The following RIMS2 variants were observed in gnomAD, a reference collection of about 807,000 sequenced individuals.
RIMS2 encodes the protein regulating synaptic membrane exocytosis 2, also known as regulating synaptic membrane exocytosis protein 2.
A neutral mutation model predicts 174.4 loss-of-function variants in RIMS2; 59 were observed. The observed-to-expected ratio is 0.34, with a 90% CI of 0.27 to 0.42. The LOEUF is 0.42. Ranked by LOEUF, RIMS2 falls within the 10% of genes least tolerant of loss-of-function variation. The pLI, the probability that RIMS2 is intolerant of heterozygous loss-of-function variation, is 1.00. For synonymous variants in RIMS2, 606 were observed against 572.5 expected (o/e 1.06, Z -0.84); for missense variants, 1,620 against 1,666.3 (o/e 0.97, Z 0.48).
intron 2 of RIMS2, among the ~76,000 whole-genome samples, chr8:103,747,075 C>CTT (rs35423526): frequency 8.7e-5 from 13 of 148,624 alleles, no homozygotes; most frequent in Admixed American, 1.3e-4. Flanking sequence ...GATCTTCTTT[C>CTT]TTTTTTTTTT....
chr8:103,677,674 G>C (rs2096832401), intron 1 of RIMS2, among the ~76,000 whole-genome samples: 1 of 152,012 alleles, frequency 6.6e-6, no homozygotes, highest in Non-Finnish European at 1.5e-5. Flanking sequence ...GATACCATGT[G>C]GTAAAATTAA....
chr8:103,855,199 T>C (rs181993072), intron 3 of RIMS2, among the ~76,000 whole-genome samples: 217 of 152,162 alleles, frequency 1.4e-3, no homozygotes, highest in African/African-American at 4.0e-3. Flanking sequence ...GAGATCAGTT[T>C]TAATGTCATC....
At chr8:103,896,987 T>A (rs2099284414) in intron 4 of RIMS2, among the ~76,000 whole-genome samples, 1 of 151,664 alleles carries the variant, frequency 6.6e-6, no homozygotes, top group Admixed American at 6.6e-5. Flanking sequence ...GCATGGATAC[T>A]GGGAGACATG....
At chr8:103,615,902 C>A (rs150208205) in intron 1 of RIMS2, among the ~76,000 whole-genome samples, 1 of 152,028 alleles carries the variant, frequency 6.6e-6, no homozygotes, top group African/African-American at 2.4e-5. Context: ...CCAAAAACGC[C>A]CAACACCTGA....
intron 1 of RIMS2, among the ~76,000 whole-genome samples, chr8:103,583,193 C>A (rs1351506835): frequency 6.6e-6 from 1 of 152,156 alleles, no homozygotes; most frequent in Non-Finnish European, 1.5e-5. Context: ...CAAGGTGGTA[C>A]CTCTATGAGT....
intron 3 of RIMS2, among the ~76,000 whole-genome samples, chr8:103,788,175 A>AG (rs2098461912): frequency 6.7e-6 from 1 of 148,726 alleles, no homozygotes; most frequent in Non-Finnish European, 1.5e-5. Context: ...CATTCTTCTA[A>AG]ATTTTTTTCA....
intron 3 of RIMS2, among the ~76,000 whole-genome samples, chr8:103,856,164 A>T (rs936289832): frequency 6.6e-6 from 1 of 151,694 alleles, no homozygotes; most frequent in Non-Finnish European, 1.5e-5. Context: ...AATCTATGTT[A>T]TCTGATATAG....
rs146148124 is a variant in RIMS2 at position 103,843,962 on chromosome 8, G to A, written c.699-41336G>A. On this transcript the variant is annotated intron_variant, in intron 3 of 23. Transcript: ENST00000504942. Reference sequence around the variant, plus strand: ...GGAGGTAATTGAATTGTGGAGGCACGTCTTTCCCATGATGTTCTCATGATA... The same window carrying A: ...GGAGGTAATTGAATTGTGGAGGCACATCTTTCCCATGATGTTCTCATGATA... Among the ~76,000 whole-genome samples, 34 of 152,238 alleles carry A rather than the reference G, an allele frequency of 2.2e-4. No homozygotes were observed. The East Asian group carries it at 3.1e-3, about 14-fold the overall frequency.
At chr8:103,788,746 G>C (rs2098467563) in intron 3 of RIMS2, among the ~76,000 whole-genome samples, 1 of 152,178 alleles carries the variant, frequency 6.6e-6, no homozygotes, top group Non-Finnish European at 1.5e-5. Flanking sequence ...CCTGCCCCCA[G>C]AGGTGGAGCC....
chr8:104,248,933 A>ATTTT (rs3072636), intron 21 of RIMS2, 120 bp downstream of exon 27: 73,064 of 466,162 alleles, frequency 0.16, 4,046 homozygotes, highest in African/African-American at 0.21. Flanking sequence ...CTCTCCCTCT[A>ATTTT]TTTTTTTTTT....
intron 1 of RIMS2, among the ~76,000 whole-genome samples, chr8:103,689,567 T>C (rs2096986869): frequency 6.6e-6 from 1 of 152,164 alleles, no homozygotes; most frequent in South Asian, 2.1e-4. Context: ...TTTATAATTG[T>C]TATATACTTT....
intron 2 of RIMS2, among the ~76,000 whole-genome samples, chr8:103,708,586 A>G (rs1041762944): frequency 2.0e-5 from 3 of 152,150 alleles, no homozygotes; most frequent in Non-Finnish European, 2.9e-5. Context: ...CTCTTTCACC[A>G]TCTTGCTCCA....
At chr8:103,640,054 G>A (rs894921165) in intron 1 of RIMS2, among the ~76,000 whole-genome samples, 1 of 151,760 alleles carries the variant, frequency 6.6e-6, no homozygotes, top group East Asian at 1.9e-4. Flanking sequence ...GATTTGGTAT[G>A]TATTTGTTTG....
At chr8:103,589,102 G>C (rs1199121699) in intron 1 of RIMS2, among the ~76,000 whole-genome samples, 1 of 151,646 alleles carries the variant, frequency 6.6e-6, no homozygotes, top group Non-Finnish European at 1.5e-5. Context: ...TTGGAAAGAA[G>C]ATGGCAAATT....
chr8:104,219,770 A>G (rs1305651736), intron 19 of RIMS2, among the ~76,000 whole-genome samples: 1 of 152,216 alleles, frequency 6.6e-6, no homozygotes, highest in Admixed American at 6.5e-5. Context: ...CTGGAATTAC[A>G]CTTAGTTTTA....
chr8:103,630,777 C>T (rs1443215099), intron 1 of RIMS2, among the ~76,000 whole-genome samples: 2 of 151,908 alleles, frequency 1.3e-5, no homozygotes, highest in East Asian at 1.9e-4. Flanking sequence ...TGCAGTAACC[C>T]ACAAAAGAAC....
In RIMS2 at chr8:103,792,526, G is replaced by A. The variant is rs182929879; in HGVS notation, c.698+25989G>A. Among the ~76,000 whole-genome samples, 23 of 151,688 alleles carry A rather than the reference G, an allele frequency of 1.5e-4. No homozygotes were observed. In the East Asian group the frequency reaches 3.9e-3, roughly 26 times the overall value. ...AACTAAAAGAACTAGAGAAACAAGA[G>A]CAAACACACTCAAAAGCTAGCAGAA... On this transcript the variant is annotated intron_variant, in intron 3 of 23. Coordinates refer to ENST00000504942, the Ensembl canonical transcript of RIMS2.
At chr8:103,755,974 G>A (rs1001752330) in intron 2 of RIMS2, among the ~76,000 whole-genome samples, 5 of 152,102 alleles carry the variant, frequency 3.3e-5, no homozygotes, top group Admixed American at 6.5e-5. Context: ...CATTGCTGGC[G>A]AGGGGCTGCA....
At chr8:104,123,286 C>G (rs1246180584) in intron 19 of RIMS2, among the ~76,000 whole-genome samples, 1 of 151,888 alleles carries the variant, frequency 6.6e-6, no homozygotes, top group Non-Finnish European at 1.5e-5. Context: ...TTAAACAACT[C>G]TAAAAAGCAT....
Sources: gnomAD v4.1 joint callset for allele counts (sites outside exome capture counted in the v4.1 genomes callset) on GRCh38, gnomAD v4.1.1 for gene constraint, MANE v1.5 for transcripts, NCBI Gene and HGNC (gene_info 2026-07-23, HGNC 2026-07-21) for gene names.